CAST: variants seen among roughly 807,000 people sequenced by gnomAD.
The protein encoded by CAST is MIR583 host.
A neutral mutation model predicts 119.6 loss-of-function variants in CAST; 76 were observed. That is an observed-to-expected ratio of 0.64 (90% confidence interval 0.53 to 0.77). The LOEUF (loss-of-function observed/expected upper bound fraction) is 0.77. CAST is among the 30% of genes least tolerant of loss of function. The pLI is 0.00. For synonymous variants in CAST, 319 were observed against 331.6 expected (o/e 0.96, Z 0.41); for missense variants, 953 against 946.5 (o/e 1.01, Z -0.09).
intron 1 of CAST, among the ~76,000 whole-genome samples, chr5:96,645,864 T>C (rs1748008262): frequency 6.6e-6 from 1 of 151,128 alleles, no homozygotes; most frequent in South Asian, 2.1e-4. Context: ...AAATTAAAAT[T>C]TTAAAAATAT....
intron 1 of CAST, among the ~76,000 whole-genome samples, chr5:96,555,547 G>A (rs1746221568): frequency 6.6e-6 from 1 of 152,180 alleles, no homozygotes; most frequent in African/African-American, 2.4e-5. Context: ...CTTTTCCAAA[G>A]GTCTTAGCAA....
chr5:96,429,987 C>G, the CAST span, among the ~76,000 whole-genome samples: 1 of 152,164 alleles, frequency 6.6e-6, no homozygotes, highest in Non-Finnish European at 1.5e-5. Flanking sequence ...GGTAAGCAGG[C>G]AAACACCTGG....
At chr5:95,994,098 A>T in the CAST span, among the ~76,000 whole-genome samples, 139 of 152,278 alleles carry the variant, frequency 9.1e-4, no homozygotes, top group East Asian at 0.024. Context: ...CTACTCTGGA[A>T]AACAACTTGA....
At position 96,742,678 on chromosome 5, in the gene CAST, C is replaced by G. The variant is rs150538389; in HGVS notation, c.1122C>G (p.Leu374=). The G allele has an allele frequency of 1.2e-6, 2 of 1,613,444 alleles. No homozygotes were observed. Among genetic ancestry groups the G allele is most frequent in the South Asian group, 1.1e-5 (1 of 91,060 alleles). The change falls in exon 16 of 32, where the codon CTC becomes CTG. Residue 374 remains leucine, a synonymous_variant. Coordinates refer to ENST00000675179, the MANE Select transcript of CAST (RefSeq NM_001750.7). ...AGGATACAATGAGTGATCAAGCACT[C>G]GAGGCTCTGTCGGCTTCACTGGGCA... ...VEKDTMSDQA[L]EALSASLGTR... is the part of the protein sequence containing the mutation.
At chr5:96,729,850 T>G (rs1419914285) in intron 8 of CAST, 125 bp downstream of exon 8, 2 of 610,896 alleles carry the variant, frequency 3.3e-6, no homozygotes, top group Admixed American at 2.9e-5. Context: ...TGTATTATAG[T>G]GATTTGGTAT....
At chr5:96,226,587 G>T in the CAST span, among the ~76,000 whole-genome samples, 11 of 152,258 alleles carry the variant, frequency 7.2e-5, no homozygotes, top group South Asian at 1.9e-3. Flanking sequence ...AGCCTGGGAG[G>T]CAGAGGTTGC....
intron 1 of CAST, among the ~76,000 whole-genome samples, chr5:96,629,876 C>A (rs1391644805): frequency 6.6e-6 from 1 of 152,170 alleles, no homozygotes; most frequent in African/African-American, 2.4e-5. Flanking sequence ...TGAATTTCTT[C>A]TTCTATGAAG....
At chr5:96,302,254 G>A in the CAST span, among the ~76,000 whole-genome samples, 2 of 152,166 alleles carry the variant, frequency 1.3e-5, no homozygotes, top group Non-Finnish European at 2.9e-5. Flanking sequence ...TCCTGAGGCT[G>A]CAAAGAACAG....
the CAST span, among the ~76,000 whole-genome samples, chr5:96,119,284 T>A: frequency 6.6e-6 from 1 of 152,130 alleles, no homozygotes; most frequent in East Asian, 1.9e-4. Flanking sequence ...AAAAAATTTT[T>A]AAAAGTTTTC....
At chr5:96,743,144 C>T (rs1319373828) in intron 16 of CAST, among the ~76,000 whole-genome samples, 1 of 152,040 alleles carries the variant, frequency 6.6e-6, no homozygotes, top group Non-Finnish European at 1.5e-5. Flanking sequence ...GTGGGAAGAT[C>T]CTTCATTTAT....
At chr5:96,412,752 G>GTTTTTTTTTTTTTTTTTTTTTTTTTTTTT in the CAST span, among the ~76,000 whole-genome samples, 2 of 71,806 alleles carry the variant, frequency 2.8e-5, no homozygotes, top group African/African-American at 1.8e-4. Context: ...CAGCTGTGAT[G>GTTTTTTTTTTTTTTTTTTTTTTTTTTTTT]TTTTTTTTTT....
intron 1 of CAST, among the ~76,000 whole-genome samples, chr5:96,622,938 A>G (rs1166203458): frequency 7.7e-6 from 1 of 129,968 alleles, no homozygotes; most frequent in African/African-American, 2.9e-5. Flanking sequence ...ATCTCGGCTC[A>G]CTGCAAGCTC....
the CAST span, among the ~76,000 whole-genome samples, chr5:96,444,849 T>C: frequency 0.01 from 1,569 of 152,292 alleles, 27 homozygotes; most frequent in African/African-American, 0.036. Context: ...GGTAAAGACA[T>C]TCCTCCAATT....
the CAST span, among the ~76,000 whole-genome samples, chr5:96,158,192 G>C: frequency 6.6e-6 from 1 of 152,196 alleles, no homozygotes; most frequent in Non-Finnish European, 1.5e-5. Flanking sequence ...ATCCTGGAAA[G>C]ACTTATGACT....
chr5:96,599,691 C>G (rs1478671530), intron 1 of CAST, among the ~76,000 whole-genome samples: 2 of 152,008 alleles, frequency 1.3e-5, no homozygotes, highest in African/African-American at 4.8e-5. Flanking sequence ...TGGAAATCCA[C>G]CCCCCTCCAT....
At chr5:95,988,238 A>T in the CAST span, among the ~76,000 whole-genome samples, 1 of 152,136 alleles carries the variant, frequency 6.6e-6, no homozygotes, top group South Asian at 2.1e-4. Flanking sequence ...ACAAATAATG[A>T]TCTTTTCTCC....
intron 1 of CAST, among the ~76,000 whole-genome samples, chr5:96,597,138 T>C (rs531728116): frequency 6.6e-6 from 1 of 152,328 alleles, no homozygotes; most frequent in Admixed American, 6.5e-5. Context: ...TCCTGTACTT[T>C]TAGGATCCAC....
Position 96,662,441 on chromosome 5 carries a change from A to C in CAST, c.19A>C (p.Lys7Gln), listed in dbSNP as rs975722594. The change falls in exon 1 of 32, where the codon AAG becomes CAG. Residue 7 changes from lysine to glutamine, a missense_variant. By Grantham distance (53) the Lys-to-Gln change is moderately conservative (BLOSUM62 1). Coordinates refer to ENST00000675179, the MANE Select transcript of CAST (RefSeq NM_001750.7). MSQPGQKPAASPRPRRA... is the reference protein window; with the variant it reads MSQPGQQPAASPRPRRA... ...CCTCGCCATGTCCCAGCCCGGCCAG[A>C]AGCCCGCCGCCTCCCCGCGGCCCCG... The C allele has an allele frequency of 1.4e-6, 2 of 1,441,612 alleles. No homozygotes were observed. The highest frequency in any genetic ancestry group is 3.0e-5 in the African/African-American group (2 of 67,136). The allele number at this position is 1,441,612 out of a possible 1,614,324, so 89.3% of individuals were successfully genotyped here.
the CAST span, among the ~76,000 whole-genome samples, chr5:96,037,087 A>G: frequency 3.9e-5 from 6 of 152,034 alleles, 1 homozygote; most frequent in African/African-American, 1.4e-4. Context: ...TTCTGGAGCC[A>G]TATTTTGGCT....
Sources: gnomAD v4.1 joint callset for allele counts (sites outside exome capture counted in the v4.1 genomes callset) on GRCh38, gnomAD v4.1.1 for gene constraint, MANE v1.5 for transcripts, NCBI Gene and HGNC (gene_info 2026-07-23, HGNC 2026-07-21) for gene names.